Variants in TMTC2 observed in about 807,000 individuals in gnomAD.
The protein encoded by TMTC2 is protein O-mannosyl-transferase TMTC2.
TMTC2 carries 43 observed loss-of-function variants against 82.4 expected under a neutral mutation model. That is an observed-to-expected ratio of 0.52 (90% CI 0.41 to 0.67). The LOEUF (loss-of-function observed/expected upper bound fraction) is 0.67, where lower values mean the gene tolerates loss of function less well. Among genes scored for constraint, TMTC2 ranks in the 30% least tolerant of loss-of-function variants. The pLI is 0.00. For synonymous variants in TMTC2, 408 were observed against 381.9 expected (o/e 1.07, Z -0.80); for missense variants, 919 against 1,012.4 (o/e 0.91, Z 1.25).
chr12:82,996,520 G>A (rs1206180545), intron 8 of TMTC2, among the ~76,000 whole-genome samples: 1 of 152,206 alleles, frequency 6.6e-6, no homozygotes, highest in African/African-American at 2.4e-5. Context: ...GTGACAGGAT[G>A]AGGTACATTC....
intron 1 of TMTC2, among the ~76,000 whole-genome samples, chr12:82,828,467 T>C (rs552644122): frequency 1.3e-5 from 2 of 152,276 alleles, no homozygotes; most frequent in Admixed American, 6.5e-5. Context: ...CCCAAAGTGC[T>C]GGGATTACAG....
chr12:82,998,483 C>A (rs1027581111), intron 8 of TMTC2, among the ~76,000 whole-genome samples: 8 of 151,960 alleles, frequency 5.3e-5, no homozygotes, highest in African/African-American at 1.4e-4. Flanking sequence ...TTCATGCTTA[C>A]AAAACCAGTC....
chr12:83,010,036 G>A (rs1617818), intron 8 of TMTC2, among the ~76,000 whole-genome samples: 119,036 of 152,022 alleles, frequency 0.78, 47,657 homozygotes, highest in South Asian at 0.93. Context: ...ATGAAGTTTC[G>A]CTCATTCACA....
intron 4 of TMTC2, among the ~76,000 whole-genome samples, chr12:82,964,530 C>G (rs200434505): frequency 6.6e-6 from 1 of 152,098 alleles, no homozygotes; most frequent in East Asian, 1.9e-4. Flanking sequence ...TCTGATTAAA[C>G]TGTGACTCTC....
intron 1 of TMTC2, among the ~76,000 whole-genome samples, chr12:82,738,333 AC>A (rs1263703065): frequency 6.6e-6 from 1 of 152,204 alleles, no homozygotes; most frequent in Non-Finnish European, 1.5e-5. Context: ...AGTTTCAGCT[AC>A]TTGATCAGAC....
intron 2 of TMTC2, among the ~76,000 whole-genome samples, chr12:82,893,136 C>T (rs533080747): frequency 6.6e-6 from 1 of 152,060 alleles, no homozygotes; most frequent in South Asian, 2.1e-4. Flanking sequence ...CTTTGGGAGG[C>T]TGAGGCAGGT....
At chr12:82,891,791 A>G (rs1051612683) in intron 2 of TMTC2, among the ~76,000 whole-genome samples, 1 of 152,210 alleles carries the variant, frequency 6.6e-6, no homozygotes, top group African/African-American at 2.4e-5. Flanking sequence ...TTTAAAAGCC[A>G]TAGCAAATCA....
chr12:82,876,708 T>G (rs1872601308), intron 2 of TMTC2, among the ~76,000 whole-genome samples: 1 of 149,342 alleles, frequency 6.7e-6, no homozygotes. Context: ...TTATTTCAGG[T>G]TTTTTTCATT....
chr12:82,883,743 T>C (rs112489409), intron 2 of TMTC2, among the ~76,000 whole-genome samples: 261 of 152,380 alleles, frequency 1.7e-3, no homozygotes, highest in African/African-American at 5.9e-3. Context: ...GTTCCTTTTC[T>C]AAATTCTGTT....
chr12:83,124,355 T>A (rs1055147127), intron 11 of TMTC2, among the ~76,000 whole-genome samples: 3 of 152,166 alleles, frequency 2.0e-5, no homozygotes, highest in Non-Finnish European at 2.9e-5. Flanking sequence ...CAAACATTCA[T>A]TGAGAGTTTA....
chr12:82,965,811 C>A (rs761749230), intron 6 of TMTC2, 67 bp downstream of exon 6: 1 of 1,568,568 alleles, frequency 6.4e-7, no homozygotes, highest in South Asian at 1.1e-5. Context: ...TGGTTTGTAA[C>A]CTACAGCCTC....
chr12:83,059,394 A>G (rs902747559), intron 10 of TMTC2, among the ~76,000 whole-genome samples: 12 of 151,796 alleles, frequency 7.9e-5, no homozygotes, highest in African/African-American at 2.7e-4. Flanking sequence ...GAGGATATAA[A>G]TGAGCATTCC....
intron 11 of TMTC2, among the ~76,000 whole-genome samples, chr12:83,102,114 G>A (rs760571148): frequency 3.9e-5 from 6 of 152,298 alleles, no homozygotes; most frequent in East Asian, 1.9e-4. Context: ...TTTCAGGCCC[G>A]TAAGGTGCAA....
At chr12:83,023,984 G>T (rs1881051208) in intron 8 of TMTC2, among the ~76,000 whole-genome samples, 1 of 152,164 alleles carries the variant, frequency 6.6e-6, no homozygotes, top group African/African-American at 2.4e-5. Flanking sequence ...TCTGTATCAG[G>T]TAGCTTTATT....
At chr12:83,041,384 C>A (rs1229440720) in intron 9 of TMTC2, among the ~76,000 whole-genome samples, 1 of 152,130 alleles carries the variant, frequency 6.6e-6, no homozygotes. Flanking sequence ...GTGTCATAAT[C>A]TAGAGAGGAT....
Position 82,871,364 on chromosome 12 carries a change from AT to A in TMTC2, c.654+13798del, listed in dbSNP as rs113920774. ...AAGTAGTATTACAAAAGAAACAATGATTTTTTTTTTTTTTCACATTACTTGG... is the reference window on the plus strand; with the variant it reads ...AAGTAGTATTACAAAAGAAACAATGATTTTTTTTTTTTTCACATTACTTGG... On this transcript the variant is annotated intron_variant, in intron 2 of 11. Coordinates refer to ENST00000321196, the MANE Select transcript of TMTC2 (RefSeq NM_152588.3). Among the ~76,000 whole-genome samples, 728 of 145,094 alleles carry A rather than the reference AT, an allele frequency of 5.0e-3. 3 individuals carry two copies. Among genetic ancestry groups the A allele is most frequent in the South Asian group, 0.015 (69 of 4,584 alleles).
At chr12:82,871,407 C>T (rs1345733507) in intron 2 of TMTC2, among the ~76,000 whole-genome samples, 2 of 150,510 alleles carry the variant, frequency 1.3e-5, no homozygotes, top group East Asian at 3.9e-4. Context: ...GACCAATGCT[C>T]ATTATCTACA....
At chr12:82,826,001 G>A (rs1222153575) in intron 1 of TMTC2, among the ~76,000 whole-genome samples, 1 of 152,196 alleles carries the variant, frequency 6.6e-6, no homozygotes, top group African/African-American at 2.4e-5. Flanking sequence ...ATTTCAGAAT[G>A]ATGGTTGTAG....
chr12:82,954,207 T>C (rs74106196), intron 4 of TMTC2, among the ~76,000 whole-genome samples: 2 of 152,132 alleles, frequency 1.3e-5, no homozygotes, highest in Non-Finnish European at 2.9e-5. Flanking sequence ...TCTGTAACTC[T>C]TGAGTTTTCG....
Sources: allele counts gnomAD v4.1 joint callset (sites outside exome capture counted in the v4.1 genomes callset), GRCh38; gene constraint gnomAD v4.1.1; transcripts MANE v1.5; gene names NCBI Gene and HGNC (gene_info 2026-07-23, HGNC 2026-07-21).